FTO: variants seen among roughly 807,000 people sequenced by gnomAD.
The protein encoded by FTO is alpha-ketoglutarate-dependent dioxygenase FTO.
A neutral mutation model predicts 63.9 loss-of-function variants in FTO; 47 were observed. The observed-to-expected ratio is 0.74, with a 90% CI of 0.58 to 0.94. The LOEUF (loss-of-function observed/expected upper bound fraction) is 0.94. Ranked by LOEUF, FTO falls within the 40% of genes least tolerant of loss-of-function variation. FTO has a pLI of 0.00. For missense variants in FTO, 562 were observed against 618.1 expected, an observed-to-expected ratio of 0.91 and a Z score of 0.96; for synonymous variants, 207 against 224.4, an observed-to-expected ratio of 0.92 and a Z score of 0.69.
chr16:54,001,446 A>G (rs1353665638), intron 8 of FTO, among the ~76,000 whole-genome samples: 10 of 152,112 alleles, frequency 6.6e-5, no homozygotes, highest in African/African-American at 1.9e-4. Context: ...TGAGGCCCCT[A>G]AACATAAGGA....
intron 7 of FTO, among the ~76,000 whole-genome samples, chr16:53,931,314 T>C (rs2082277627): frequency 6.7e-6 from 1 of 149,946 alleles, no homozygotes; most frequent in Non-Finnish European, 1.5e-5. Context: ...TTTTTTTTTT[T>C]TTTTTTTTTA....
At chr16:53,767,102 C>T (rs1322025643) in intron 1 of FTO, among the ~76,000 whole-genome samples, 2 of 152,122 alleles carry the variant, frequency 1.3e-5, no homozygotes, top group Non-Finnish European at 2.9e-5. Context: ...AGCTACAGGG[C>T]ATCTCCCCAC....
chr16:53,893,652 C>A (rs2081208376), intron 7 of FTO, among the ~76,000 whole-genome samples: 1 of 151,478 alleles, frequency 6.6e-6, no homozygotes. Context: ...TTATTCATTT[C>A]CTATTGACCT....
chr16:54,029,487 C>T (rs1440054767), intron 8 of FTO, among the ~76,000 whole-genome samples: 1 of 152,118 alleles, frequency 6.6e-6, no homozygotes, highest in East Asian at 1.9e-4. Context: ...CTCTCACACT[C>T]CCCCTTTTTT....
At chr16:53,896,616 C>A (rs893215602) in intron 7 of FTO, among the ~76,000 whole-genome samples, 1 of 152,076 alleles carries the variant, frequency 6.6e-6, no homozygotes, top group Non-Finnish European at 1.5e-5. Flanking sequence ...TTATGATGAT[C>A]CAATGAGAAA....
chr16:53,912,874 C>T (rs150187156), intron 7 of FTO, among the ~76,000 whole-genome samples: 55 of 152,318 alleles, frequency 3.6e-4, no homozygotes, highest in African/African-American at 5.8e-4. Flanking sequence ...CAGGCCTCAC[C>T]TTGAGGTCAG....
chr16:53,725,211 C>T (rs4386132), intron 1 of FTO, among the ~76,000 whole-genome samples: 9,166 of 152,186 alleles, frequency 0.06, 378 homozygotes, highest in East Asian at 0.23. Flanking sequence ...GTTTGCAACT[C>T]AGGTCTAAAT....
intron 6 of FTO, among the ~76,000 whole-genome samples, chr16:53,883,636 C>CAAAAAAAAAAAAAAAA (rs1202328126): frequency 8.3e-6 from 1 of 121,156 alleles, no homozygotes. Flanking sequence ...AAAAAAAAAA[C>CAAAAAAAAAAAAAAAA]AAAAAAAAAA....
chr16:54,065,108 T>TATTTTATTTA (rs1405309572), intron 8 of FTO, among the ~76,000 whole-genome samples: 4 of 107,934 alleles, frequency 3.7e-5, no homozygotes, highest in African/African-American at 4.3e-5. Context: ...CATTTTATTT[T>TATTTTATTTA]ATTTTATTTT....
At chr16:53,705,192 T>G (rs1002704862) in intron 1 of FTO, among the ~76,000 whole-genome samples, 1 of 152,164 alleles carries the variant, frequency 6.6e-6, no homozygotes, top group Non-Finnish European at 1.5e-5. Flanking sequence ...TAGAGTAAGA[T>G]CTTCGTGAAA....
chr16:54,007,320 G>GAAAAAACA (rs1213103546), intron 8 of FTO, among the ~76,000 whole-genome samples: 3 of 151,916 alleles, frequency 2.0e-5, no homozygotes, highest in Non-Finnish European at 4.4e-5. Context: ...AAAAATAAAA[G>GAAAAAACA]AAAAAACAAA....
intron 7 of FTO, among the ~76,000 whole-genome samples, chr16:53,926,348 G>A (rs938057278): frequency 4.6e-5 from 7 of 152,264 alleles, no homozygotes; most frequent in African/African-American, 1.7e-4. Flanking sequence ...AGTGCTCTCT[G>A]GCCTGATCAT....
chr16:53,831,186 G>C (rs1225216232), intron 3 of FTO, among the ~76,000 whole-genome samples: 1 of 152,102 alleles, frequency 6.6e-6, no homozygotes, highest in Non-Finnish European at 1.5e-5. Context: ...ATTACAGCTT[G>C]GAGTTTTGGA....
chr16:53,864,759 G>A (rs892626769), intron 4 of FTO, among the ~76,000 whole-genome samples: 1 of 152,136 alleles, frequency 6.6e-6, no homozygotes, highest in Non-Finnish European at 1.5e-5. Context: ...TTAAAGCTGG[G>A]AGGGTCTTAA....
chr16:53,958,958 T>A (rs1241203256), intron 8 of FTO, among the ~76,000 whole-genome samples: 1 of 152,174 alleles, frequency 6.6e-6, no homozygotes. Context: ...AAAATTAAAA[T>A]CCTCATTGAA....
At chr16:53,976,399 C>T (rs2143777272) in intron 8 of FTO, among the ~76,000 whole-genome samples, 1 of 152,108 alleles carries the variant, frequency 6.6e-6, no homozygotes, top group African/African-American at 2.4e-5. Context: ...TTCTTGCCTC[C>T]ACTGATTTGA....
intron 8 of FTO, among the ~76,000 whole-genome samples, chr16:54,111,228 C>T (rs1438501675): frequency 6.6e-6 from 1 of 152,200 alleles, no homozygotes; most frequent in East Asian, 1.9e-4. Flanking sequence ...ATAAATCGGT[C>T]TCTCCTTGGA....
chr16:53,841,692 A>C (rs8055453), intron 3 of FTO, among the ~76,000 whole-genome samples: 69,132 of 152,010 alleles, frequency 0.45, 16,220 homozygotes, highest in Middle Eastern at 0.55. Context: ...GTAGAGTACG[A>C]CATTCAGAAT....
chr16:53,989,179 C>T (rs1356533657), intron 8 of FTO, among the ~76,000 whole-genome samples: 3 of 151,918 alleles, frequency 2.0e-5, no homozygotes, highest in Non-Finnish European at 1.5e-5. Flanking sequence ...TTGACCTGGG[C>T]GTGAAAGAAT....
Sources: gnomAD v4.1 joint callset for allele counts (sites outside exome capture counted in the v4.1 genomes callset) on GRCh38, gnomAD v4.1.1 for gene constraint, MANE v1.5 for transcripts, NCBI Gene and HGNC (gene_info 2026-07-23, HGNC 2026-07-21) for gene names.